BMP1: variants seen among roughly 807,000 people sequenced by gnomAD.
The protein encoded by BMP1 is bone morphogenetic protein 1.
Under a neutral mutation model 116.8 loss-of-function variants are expected in BMP1, and 63 were observed. The ratio of observed to expected loss-of-function variants is 0.54; its 90% confidence interval spans 0.44 to 0.67. The LOEUF is 0.67. Ranked by LOEUF, BMP1 falls within the 30% of genes least tolerant of loss-of-function variation. The pLI, the probability that BMP1 is intolerant of heterozygous loss-of-function variation, is 0.00. For synonymous variants in BMP1, 536 were observed against 533.4 expected, an observed-to-expected ratio of 1.00 and a Z score of -0.07; for missense variants, 1,183 against 1,358.9, an observed-to-expected ratio of 0.87 and a Z score of 2.04.
At chr8:22,205,451 G>A (rs1436788765) in intron 16 of BMP1, among the ~76,000 whole-genome samples, 1 of 152,124 alleles carries the variant, frequency 6.6e-6, no homozygotes, top group Admixed American at 6.5e-5. Flanking sequence ...GGAGAGAATA[G>A]AAAGATCAAG....
chr8:22,180,706 A>G (rs1828595593), intron 8 of BMP1, among the ~76,000 whole-genome samples: 1 of 152,236 alleles, frequency 6.6e-6, no homozygotes, highest in South Asian at 2.1e-4. Flanking sequence ...GTTAATTTGC[A>G]CATAGCACTT....
At chr8:22,210,176 G>C (rs985830314) in intron 19 of BMP1, among the ~76,000 whole-genome samples, 2 of 152,224 alleles carry the variant, frequency 1.3e-5, no homozygotes, top group African/African-American at 4.8e-5. Context: ...CTGATGAAAG[G>C]CCAGCTTGTC....
At chr8:22,177,700 C>T in intron 5 of BMP1, 152 bp from the exon 6 acceptor site, 1 of 771,916 alleles carries the variant, frequency 1.3e-6, no homozygotes, top group Non-Finnish European at 2.4e-6. Context: ...CCCCATTCCC[C>T]AGGCTCCCCT....
At chr8:22,190,148 C>T (rs984727733) in intron 8 of BMP1, among the ~76,000 whole-genome samples, 6 of 152,234 alleles carry the variant, frequency 3.9e-5, no homozygotes, top group Non-Finnish European at 5.9e-5. Context: ...TGGTCTTGAA[C>T]GCCTGACCTC....
chr8:22,172,247 G>A (rs1323437636), intron 1 of BMP1, among the ~76,000 whole-genome samples: 4 of 152,190 alleles, frequency 2.6e-5, no homozygotes, highest in African/African-American at 7.2e-5. Context: ...CTGTAGCCCA[G>A]CCTCCCACTT....
At chr8:22,195,417 C>G (rs749457583) in intron 12 of BMP1, 45 bp from the exon 13 acceptor site, 1 of 1,566,546 alleles carries the variant, frequency 6.4e-7, no homozygotes, top group Non-Finnish European at 8.6e-7. Flanking sequence ...CAGCTTCTTC[C>G]CTTGAATGCC....
intron 6 of BMP1, among the ~76,000 whole-genome samples, chr8:22,178,419 A>G (rs1828516620): frequency 6.6e-6 from 1 of 152,132 alleles, no homozygotes; most frequent in Admixed American, 6.5e-5. Flanking sequence ...CCTACTGAGT[A>G]GCTAGGATGA....
In BMP1 at chr8:22,211,709, C is replaced by T. The variant is rs774943531; in HGVS notation, c.2942C>T (p.Thr981Ile). The T allele has an allele frequency of 1.2e-6, 2 of 1,614,202 alleles. No individual in the cohort carries two copies. Among genetic ancestry groups the T allele is most frequent in the African/African-American group, 1.3e-5 (1 of 75,068 alleles). ...LRYTSTKFQD[T>I]LHSRK ...TACACCAGCACCAAGTTCCAGGACACACTCCACAGCAGGAAGTGACCACTG... is the reference window on the plus strand; with the variant it reads ...TACACCAGCACCAAGTTCCAGGACATACTCCACAGCAGGAAGTGACCACTG... Residue 981 changes from threonine (T) to isoleucine (I), a missense_variant, in exon 20 of 20, where the codon ACA (threonine) becomes ATA (isoleucine). Physicochemically the swap from Thr to Ile is moderately conservative, Grantham distance 89. This residue lies in a region of BMP1 where 956 missense variants were observed against 1,135.2 expected (regional missense o/e 0.84). Coordinates refer to ENST00000306385, the MANE Select transcript of BMP1 (RefSeq NM_006129.5).
intron 8 of BMP1, among the ~76,000 whole-genome samples, chr8:22,186,253 G>T (rs1474697766): frequency 6.6e-6 from 1 of 152,228 alleles, no homozygotes; most frequent in East Asian, 1.9e-4. Context: ...TTCTTGAAGG[G>T]TGTGGGGCTC....
intron 8 of BMP1, among the ~76,000 whole-genome samples, chr8:22,185,887 G>T (rs1396391637): frequency 5.5e-5 from 8 of 146,032 alleles, no homozygotes; most frequent in Non-Finnish European, 1.0e-4. Context: ...CCAGGCTGGA[G>T]TGCAATGACA....
At chr8:22,199,148 C>CGCACACACATGT in intron 15 of BMP1, 6 of 1,367,656 alleles carry the variant, frequency 4.4e-6, no homozygotes, top group Non-Finnish European at 4.9e-6. Flanking sequence ...CACGCCCACA[C>CGCACACACATGT]GCACACACAT....
intron 14 of BMP1, 39 bp downstream of exon 14, chr8:22,196,879 G>T (rs1160065164): frequency 6.3e-7 from 1 of 1,585,330 alleles, no homozygotes; most frequent in Non-Finnish European, 8.6e-7. Context: ...GCAGGAAGCT[G>T]TGAGGCGTGG....
At position 22,196,721 on chromosome 8, in the gene BMP1, A is replaced by G; in HGVS notation, c.1807A>G (p.Thr603Ala). The G allele has an allele frequency of 6.2e-7, 1 of 1,613,316 alleles. No homozygotes were observed. Among genetic ancestry groups the G allele is most frequent in the Non-Finnish European group, 8.5e-7 (1 of 1,179,840 alleles). ...GFLTKLNGSI[T>A]SPGWPKEYPP... The stretch of plus-strand genomic sequence containing the variant: ...CCTCACCAAGCTCAACGGCTCCATC[A>G]CCAGCCCGGGCTGGCCCAAGGAGTA... The change falls in exon 14 of 20, where the codon ACC becomes GCC. Residue 603 changes from threonine (T) to alanine (A), a missense_variant. By Grantham distance (58) the Thr-to-Ala change is moderately conservative (BLOSUM62 0). This residue lies in a region of BMP1 where 956 missense variants were observed against 1,135.2 expected (regional missense o/e 0.84). Transcript: ENST00000306385.
At chr8:22,209,279 G>A (rs144480350) in intron 18 of BMP1, among the ~76,000 whole-genome samples, 166 bp from the exon 19 acceptor site, 1 of 152,168 alleles carries the variant, frequency 6.6e-6, no homozygotes, top group Non-Finnish European at 1.5e-5. Flanking sequence ...TTTAGAGATG[G>A]GGCAGCACAG....
chr8:22,208,470 G>A (rs762868244), intron 18 of BMP1, among the ~76,000 whole-genome samples: 80 of 152,338 alleles, frequency 5.3e-4, no homozygotes, highest in African/African-American at 1.6e-3. Flanking sequence ...GAGCCCAAGC[G>A]GGAGCCAGGC....
chr8:22,176,363 C>A (rs747319406), intron 3 of BMP1, 50 bp downstream of exon 3: 15 of 1,565,922 alleles, frequency 9.6e-6, no homozygotes, highest in Non-Finnish European at 8.7e-6. Context: ...CCGGGCCTGG[C>A]CTTGTGGCAG....
At chr8:22,201,677 G>A in intron 15 of BMP1, 126 bp from the exon 16 acceptor site, 1 of 1,482,546 alleles carries the variant, frequency 6.7e-7, no homozygotes, top group Non-Finnish European at 9.0e-7. Context: ...ACCTGGCCTG[G>A]CCAGCTCTGC....
chr8:22,209,958 G>T (rs1333486520), intron 19 of BMP1, among the ~76,000 whole-genome samples: 1 of 152,274 alleles, frequency 6.6e-6, no homozygotes, highest in Non-Finnish European at 1.5e-5. Flanking sequence ...GCCTGCCTCA[G>T]AACCAGTTGG....
At chr8:22,201,074 C>A (rs904392784) in intron 15 of BMP1, 13 of 1,551,168 alleles carry the variant, frequency 8.4e-6, no homozygotes, top group Non-Finnish European at 1.1e-5. Flanking sequence ...CTGCCCTCCA[C>A]CCCCACCCCT....
Sources: gnomAD v4.1 joint callset for allele counts (sites outside exome capture counted in the v4.1 genomes callset) on GRCh38, gnomAD v4.1.1 for gene constraint, gnomAD v4.1.1 regional missense constraint, MANE v1.5 for transcripts, NCBI Gene and HGNC (gene_info 2026-07-23, HGNC 2026-07-21) for gene names.